CEP57: variants seen among roughly 807,000 people sequenced by gnomAD.
CEP57 encodes the protein centrosomal protein of 57 kDa.
A neutral mutation model predicts 68.0 loss-of-function variants in CEP57; 40 were observed. That is an observed-to-expected ratio of 0.59 (90% confidence interval 0.46 to 0.77). The LOEUF is 0.77. CEP57 is among the 30% of genes least tolerant of loss of function. CEP57 has a pLI of 0.00. For synonymous variants in CEP57, 219 were observed against 198.7 expected, an observed-to-expected ratio of 1.10 and a Z score of -0.86; for missense variants, 606 against 580.7, an observed-to-expected ratio of 1.04 and a Z score of -0.45.
intron 2 of CEP57, among the ~76,000 whole-genome samples, chr11:95,800,680 G>A (rs574887889): frequency 5.8e-4 from 89 of 152,198 alleles, no homozygotes; most frequent in African/African-American, 2.1e-3. Context: ...ATGAGCTACC[G>A]CGCCTGGCCA....
chr11:95,798,296 T>TC (rs1861431535), intron 1 of CEP57, among the ~76,000 whole-genome samples: 2 of 152,334 alleles, frequency 1.3e-5, no homozygotes, highest in South Asian at 4.1e-4. Context: ...AGTAAAATCT[T>TC]TAATTTTAAA....
At chr11:95,802,335 A>C (rs996892664) in intron 2 of CEP57, among the ~76,000 whole-genome samples, 4 of 151,102 alleles carry the variant, frequency 2.6e-5, no homozygotes, top group Admixed American at 2.6e-4. Context: ...GCTCACTACA[A>C]CCTCTGCCTC....
chr11:95,803,321 A>G (rs533445850), intron 2 of CEP57, among the ~76,000 whole-genome samples: 4 of 152,346 alleles, frequency 2.6e-5, no homozygotes, highest in African/African-American at 9.6e-5. Context: ...AAAATTAAAA[A>G]GTCAAGTATA....
chr11:95,818,559 C>T (rs947185835), intron 5 of CEP57, among the ~76,000 whole-genome samples: 3 of 152,086 alleles, frequency 2.0e-5, no homozygotes, highest in Non-Finnish European at 2.9e-5. Flanking sequence ...TTTAGCCTCC[C>T]TATCCCTCTT....
At chr11:95,826,707 A>G (rs1285693621) in intron 8 of CEP57, 1 of 152,226 alleles carries the variant, frequency 6.6e-6, no homozygotes, top group Non-Finnish European at 1.5e-5. Flanking sequence ...CAGAAAAATA[A>G]CAGAACGAGA....
intron 4 of CEP57, 110 bp from the exon 5 acceptor site, chr11:95,817,677 C>T (rs504341): frequency 0.13 from 95,731 of 755,320 alleles, 15,123 homozygotes; most frequent in African/African-American, 0.62. Context: ...TGTTATTTTC[C>T]TAGAAGTAGT....
chr11:95,815,775 C>T lies in CEP57; in HGVS notation c.505-2012C>T, dbSNP rs1377278434. ...ACCAGCCGGGGCAATAGAGCGAGACCCAGTTTCTACAAACAATAAATAAAT... is the reference window on the plus strand; with the variant it reads ...ACCAGCCGGGGCAATAGAGCGAGACTCAGTTTCTACAAACAATAAATAAAT... On this transcript the variant is annotated intron_variant, in intron 4 of 10. Coordinates refer to ENST00000325542, the MANE Select transcript of CEP57 (RefSeq NM_014679.5). Among the ~76,000 whole-genome samples the T allele has an allele frequency of 4.6e-5, 7 of 152,078 alleles. No individual in the cohort carries two copies. The South Asian group carries it at 1.5e-3, about 32-fold the overall frequency.
chr11:95,829,256 T>C lies in CEP57; in HGVS notation c.1197T>C (p.Cys399=), dbSNP rs770421889. 8.7e-6 allele frequency: 14 copies of C among 1,614,072 alleles called. No homozygotes were observed. Among genetic ancestry groups the C allele is most frequent in the Non-Finnish European group, 1.2e-5 (14 of 1,180,014 alleles). ...TTGAACTGAAAGACAAGTTGGAGTG[T>C]GAATTGGAGGCATTAGTGGGAAGGA... ...PTVELKDKLE[C]ELEALVGRME... is the part of the protein sequence containing the mutation. The change falls in exon 10 of 11, where the codon TGT becomes TGC. Residue 399 remains cysteine, a synonymous_variant. Coordinates refer to ENST00000325542, the MANE Select transcript of CEP57 (RefSeq NM_014679.5).
rs1458180503 is a variant in CEP57, at chr11:95,827,910, C to A, written c.1010C>A (p.Ser337Tyr). ...AGTATTCCTTTGGCAAAGCAAGTATCTTCACGAGGTGGTAAAAGTAAGAAG... is the reference window on the plus strand; with the variant it reads ...AGTATTCCTTTGGCAAAGCAAGTATATTCACGAGGTGGTAAAAGTAAGAAG... ...INSIPLAKQV[S>Y]SRGGKSKKLS... Residue 337 changes from serine to tyrosine, a missense_variant, in exon 9 of 11, where the codon TCT becomes TAT. Ser to Tyr is a moderately radical substitution (Grantham distance 144). Transcript: ENST00000325542. The A allele has an allele frequency of 1.9e-6, 3 of 1,614,128 alleles. No individual in the cohort carries two copies. Among genetic ancestry groups the A allele is most frequent in the Admixed American group, 1.7e-5 (1 of 60,022 alleles).
At chr11:95,830,960 G>A (rs1862977704) in intron 10 of CEP57, 66 bp from the exon 11 acceptor site, 2 of 1,260,120 alleles carry the variant, frequency 1.6e-6, no homozygotes, top group Admixed American at 1.7e-5. Context: ...TGTACTTTTT[G>A]TTGTCAGAAA....
At chr11:95,808,548 A>G (rs1861912065) in intron 2 of CEP57, among the ~76,000 whole-genome samples, 2 of 152,190 alleles carry the variant, frequency 1.3e-5, no homozygotes, top group African/African-American at 4.8e-5. Context: ...ATGGAAAACA[A>G]AAAAAGGCAG....
intron 1 of CEP57, chr11:95,794,413 T>A: frequency 2.3e-6 from 1 of 436,972 alleles, no homozygotes; most frequent in South Asian, 1.6e-5. Flanking sequence ...ACCAAGTGAT[T>A]ATACCAACAA....
At chr11:95,815,165 G>T (rs1368685303) in intron 4 of CEP57, 1 of 152,144 alleles carries the variant, frequency 6.6e-6, no homozygotes, top group Non-Finnish European at 1.5e-5. Context: ...AGGGCTTACC[G>T]TGTATGCTTT....
chr11:95,827,665 T>C (rs2135372433), intron 8 of CEP57, 121 bp from the exon 9 acceptor site: 1 of 1,092,858 alleles, frequency 9.2e-7, no homozygotes, highest in East Asian at 2.4e-5. Flanking sequence ...TGAGAATAAT[T>C]TTAGGATTTA....
At chr11:95,791,653 T>C (rs961535214) in intron 1 of CEP57, among the ~76,000 whole-genome samples, 1 of 152,224 alleles carries the variant, frequency 6.6e-6, no homozygotes, top group Non-Finnish European at 1.5e-5. Flanking sequence ...GCTACCGTAG[T>C]AGAATAATCT....
Position 95,796,747 on chromosome 11 carries a change from G to C in CEP57, c.46-2485G>C, listed in dbSNP as rs548932065. On this transcript the variant is annotated intron_variant, in intron 1 of 10. Coordinates refer to ENST00000325542, the MANE Select transcript of CEP57 (RefSeq NM_014679.5). ...GGGGCTCCGTTTCACAAGACTGCCT[G>C]CCCCCAAGTCAGTCAGAGTTCGCAG... 5.7e-4 allele frequency among the ~76,000 whole-genome samples: 87 copies of C among 152,304 alleles called. 1 individual carries two copies. Among genetic ancestry groups the C allele is most frequent in the Admixed American group, 1.4e-3 (21 of 15,304 alleles).
chr11:95,799,961 T>C (rs1009480994), intron 2 of CEP57, among the ~76,000 whole-genome samples: 2 of 152,250 alleles, frequency 1.3e-5, no homozygotes, highest in South Asian at 2.1e-4. Context: ...TTCTGTTTTT[T>C]CCTTTCCCAT....
At position 95,799,276 on chromosome 11, in the gene CEP57, G is replaced by T; in HGVS notation, c.90G>T (p.Arg30=). ...CAAGGTCTAATGGAAGCATGGTTCGGCATTCTTCATCTCCATATGTAGTAT... is the reference window on the plus strand; with the variant it reads ...CAAGGTCTAATGGAAGCATGGTTCGTCATTCTTCATCTCCATATGTAGTAT... ...EPSRSNGSMV[R]HSSSPYVVYP... Residue 30 remains arginine, a synonymous_variant, in exon 2 of 11, where the codon CGG becomes CGT. Transcript: ENST00000325542. The T allele has an allele frequency of 3.1e-6, 5 of 1,614,018 alleles. No homozygotes were observed. Among genetic ancestry groups the T allele is most frequent in the Non-Finnish European group, 3.4e-6 (4 of 1,179,906 alleles).
chr11:95,795,499 C>CTTTTTTTTTTTTTTT (rs5793747), intron 1 of CEP57: 1 of 331,302 alleles, frequency 3.0e-6, no homozygotes. Flanking sequence ...AGCTGTTATT[C>CTTTTTTTTTTTTTTT]TTTTTTTTTT....
Sources: allele counts gnomAD v4.1 joint callset (sites outside exome capture counted in the v4.1 genomes callset), GRCh38; gene constraint gnomAD v4.1.1; transcripts MANE v1.5; gene names NCBI Gene and HGNC (gene_info 2026-07-23, HGNC 2026-07-21).